PUS7: variants seen among roughly 807,000 people sequenced by gnomAD.
PUS7 encodes the protein pseudouridine synthase 7, also known as pseudouridylate synthase 7 homolog.
Under a neutral mutation model 79.8 loss-of-function variants are expected in PUS7, and 48 were observed. That is an observed-to-expected ratio of 0.60 (90% CI 0.48 to 0.76). The LOEUF (loss-of-function observed/expected upper bound fraction) is 0.76, where lower values mean the gene tolerates loss of function less well. Among genes scored for constraint, PUS7 ranks in the 30% least tolerant of loss-of-function variants. The pLI is 0.00. For synonymous variants in PUS7, 286 were observed against 272.2 expected, an observed-to-expected ratio of 1.05 and a Z score of -0.50; for missense variants, 729 against 797.6, an observed-to-expected ratio of 0.91 and a Z score of 1.04.
chr7:105,465,426 C>G lies in PUS7; in HGVS notation c.1526-12G>C. The G allele has an allele frequency of 6.4e-7, 1 of 1,553,962 alleles. No individual in the cohort carries two copies. Among genetic ancestry groups the G allele is most frequent in the Non-Finnish European group, 8.9e-7 (1 of 1,128,742 alleles). ...ATAGGTGGCTGTGGCTGTAAATTCA[C>G]AAGTGAACAATAAATTAAGAAAATA... On this transcript the variant is annotated splice_polypyrimidine_tract_variant and intron_variant, in intron 12 of 15. Coordinates refer to ENST00000469408, the MANE Select transcript of PUS7 (RefSeq NM_019042.5).
At chr7:105,487,964 T>A (rs1045217092) in intron 7 of PUS7, among the ~76,000 whole-genome samples, 5 of 152,160 alleles carry the variant, frequency 3.3e-5, no homozygotes, top group African/African-American at 1.2e-4. Flanking sequence ...TTTCTCCTGT[T>A]CACAAGTTCC....
At chr7:105,509,522 G>A (rs59611877) in intron 1 of PUS7, among the ~76,000 whole-genome samples, 9,314 of 152,050 alleles carry the variant, frequency 0.061, 959 homozygotes, top group African/African-American at 0.21. Context: ...CCAGTCTGGT[G>A]TGCAGTGGCA....
At chr7:105,485,972 G>A (rs993439524) in intron 7 of PUS7, among the ~76,000 whole-genome samples, 3 of 151,572 alleles carry the variant, frequency 2.0e-5, no homozygotes, top group Non-Finnish European at 4.4e-5. Context: ...CCTGGCCTCC[G>A]AAAGTGCTGG....
At chr7:105,470,985 T>C in intron 10 of PUS7, 137 bp from the exon 11 acceptor site, 1 of 928,126 alleles carries the variant, frequency 1.1e-6, no homozygotes, top group Non-Finnish European at 1.5e-6. Context: ...ACCACTCATC[T>C]GAGGAAGCGC....
At chr7:105,520,653 C>G in intron 1 of PUS7, among the ~76,000 whole-genome samples, 1 of 152,258 alleles carries the variant, frequency 6.6e-6, no homozygotes, top group East Asian at 1.9e-4. Context: ...ACCCAGGAGG[C>G]TGAGGTTGCA....
At chr7:105,501,652 C>T (rs1023028116) in intron 5 of PUS7, among the ~76,000 whole-genome samples, 1 of 151,984 alleles carries the variant, frequency 6.6e-6, no homozygotes, top group African/African-American at 2.4e-5. Context: ...AAAAAATATG[C>T]CTCTTTCAAT....
chr7:105,460,582 C>T (rs960512793), intron 14 of PUS7, among the ~76,000 whole-genome samples: 5 of 152,092 alleles, frequency 3.3e-5, no homozygotes, highest in Admixed American at 6.6e-5. Context: ...AGGCCGGGCG[C>T]GGTGGCTCAC....
Position 105,505,003 on chromosome 7 carries a change from A to ATTTTTTTTTTTTTTTT in PUS7, c.585+951_585+952insAAAAAAAAAAAAAAAA, listed in dbSNP as rs112752687. On this transcript the variant is annotated intron_variant, in intron 4 of 15. Transcript: ENST00000469408. ...TGTAGTACAAAATTAATTTAACATAATTTTTTTTTTTTTTTGATATGGAGT... is the reference window on the plus strand; with the variant it reads ...TGTAGTACAAAATTAATTTAACATAATTTTTTTTTTTTTTTTTTTTTTTTTTTTTTTGATATGGAGT... 3.9e-4 allele frequency among the ~76,000 whole-genome samples: 56 copies of ATTTTTTTTTTTTTTTT among 142,634 alleles called. 1 individual carries two copies. Among genetic ancestry groups the ATTTTTTTTTTTTTTTT allele is most frequent in the South Asian group, 9.2e-4 (4 of 4,362 alleles). 93.6% of individuals were successfully genotyped at this position (142,634 alleles called of 152,430 possible).
intron 12 of PUS7, among the ~76,000 whole-genome samples, 197 bp from the exon 13 acceptor site, chr7:105,465,611 T>A (rs778182172): frequency 1.1e-4 from 17 of 149,446 alleles, no homozygotes; most frequent in Admixed American, 2.7e-4. Flanking sequence ...GGTGGGTGGA[T>A]CACCCAAGGT....
chr7:105,458,198 A>G (rs529495379), intron 15 of PUS7, among the ~76,000 whole-genome samples: 2 of 152,170 alleles, frequency 1.3e-5, no homozygotes, highest in Non-Finnish European at 2.9e-5. Context: ...AAGAAATAAT[A>G]ATAAATTACG....
intron 6 of PUS7, among the ~76,000 whole-genome samples, 179 bp downstream of exon 6, chr7:105,494,961 AGT>A (rs1824945392): frequency 6.8e-6 from 1 of 146,618 alleles, no homozygotes; most frequent in Admixed American, 6.9e-5. Flanking sequence ...TGAGTGACAG[AGT>A]GAGACTGTCT....
intron 7 of PUS7, among the ~76,000 whole-genome samples, chr7:105,490,773 C>T (rs893263272): frequency 2.0e-4 from 30 of 152,188 alleles, no homozygotes; most frequent in African/African-American, 6.5e-4. Context: ...CCCAGGAAAT[C>T]TCTACTCATC....
intron 7 of PUS7, among the ~76,000 whole-genome samples, chr7:105,486,617 G>A (rs1824560278): frequency 6.6e-6 from 1 of 152,162 alleles, no homozygotes; most frequent in Non-Finnish European, 1.5e-5. Flanking sequence ...CTTCAGCCAG[G>A]AACTACTGCT....
chr7:105,503,388 A>G (rs1825331726), intron 4 of PUS7, among the ~76,000 whole-genome samples: 1 of 152,188 alleles, frequency 6.6e-6, no homozygotes, highest in Non-Finnish European at 1.5e-5. Context: ...TATATTCTGA[A>G]TTATTTTATA....
At chr7:105,470,546 C>G in intron 11 of PUS7, 142 bp downstream of exon 11, 6 of 952,500 alleles carry the variant, frequency 6.3e-6, no homozygotes, top group Non-Finnish European at 8.9e-6. Flanking sequence ...ACAAAGACTA[C>G]TCAGGTGAAA....
intron 13 of PUS7, among the ~76,000 whole-genome samples, chr7:105,462,992 G>C (rs1823497213): frequency 6.6e-6 from 1 of 152,214 alleles, no homozygotes; most frequent in African/African-American, 2.4e-5. Context: ...ACCAGTCATA[G>C]TACCTGTGGT....
At chr7:105,466,372 C>A (rs560409161) in intron 12 of PUS7, among the ~76,000 whole-genome samples, 2 of 151,878 alleles carry the variant, frequency 1.3e-5, no homozygotes, top group Non-Finnish European at 2.9e-5. Flanking sequence ...ATCCTCCTGC[C>A]TCACCCTCTC....
intron 1 of PUS7, among the ~76,000 whole-genome samples, chr7:105,510,367 C>T (rs1439094164): frequency 2.0e-5 from 3 of 151,870 alleles, no homozygotes; most frequent in Non-Finnish European, 4.4e-5. Context: ...AAAGCCATAC[C>T]TATGTCATAC....
chr7:105,471,194 T>A (rs191796368), intron 10 of PUS7, among the ~76,000 whole-genome samples: 1 of 152,372 alleles, frequency 6.6e-6, no homozygotes. Flanking sequence ...TAAAATTAGA[T>A]AATTTTATCT....
Sources: gnomAD v4.1 joint callset for allele counts (sites outside exome capture counted in the v4.1 genomes callset) on GRCh38, gnomAD v4.1.1 for gene constraint, MANE v1.5 for transcripts, NCBI Gene and HGNC (gene_info 2026-07-23, HGNC 2026-07-21) for gene names.